VPS8: variants seen among roughly 807,000 people sequenced by gnomAD.
The protein encoded by VPS8 is VPS8 subunit of CORVET complex.
In VPS8, 129 loss-of-function variants were observed where a neutral mutation model predicts 216.4. That is an observed-to-expected ratio of 0.60 (90% CI 0.52 to 0.69). The LOEUF (loss-of-function observed/expected upper bound fraction) is 0.69, where lower values mean the gene tolerates loss of function less well. Among genes scored for constraint, VPS8 ranks in the 30% least tolerant of loss-of-function variants. The pLI is 0.00. For synonymous variants in VPS8, 571 were observed against 565.4 expected, an observed-to-expected ratio of 1.01 and a Z score of -0.14; for missense variants, 1,531 against 1,683.5, an observed-to-expected ratio of 0.91 and a Z score of 1.59.
chr3:184,926,708 G>A, intron 31 of VPS8, 58 bp downstream of exon 31: 1 of 1,517,678 alleles, frequency 6.6e-7, no homozygotes. Context: ...AAGCCAGAAA[G>A]AATTCTTCTG....
intron 25 of VPS8, chr3:184,901,249 C>T: frequency 5.7e-6 from 2 of 352,324 alleles, no homozygotes; most frequent in Non-Finnish European, 1.0e-5. Context: ...GAATTATGTG[C>T]TATGTAACCT....
intron 7 of VPS8, among the ~76,000 whole-genome samples, 179 bp from the exon 8 acceptor site, chr3:184,843,061 G>C (rs1310087550): frequency 1.3e-5 from 2 of 151,856 alleles, no homozygotes; most frequent in African/African-American, 4.8e-5. Context: ...ATAACCCATA[G>C]CTGAGCATAA....
chr3:184,953,588 G>A (rs1272261637), intron 36 of VPS8, among the ~76,000 whole-genome samples: 1 of 152,186 alleles, frequency 6.6e-6, no homozygotes, highest in Non-Finnish European at 1.5e-5. Context: ...CTGCATGACA[G>A]TGGTTGGCAT....
chr3:185,037,015 A>G (rs796889088), intron 46 of VPS8, among the ~76,000 whole-genome samples: 1 of 151,800 alleles, frequency 6.6e-6, no homozygotes, highest in African/African-American at 2.4e-5. Context: ...AAAAAAGCAA[A>G]TATGCATTTA....
At chr3:185,042,624 TA>T (rs978758015) in intron 46 of VPS8, among the ~76,000 whole-genome samples, 1 of 152,190 alleles carries the variant, frequency 6.6e-6, no homozygotes, top group Non-Finnish European at 1.5e-5. Flanking sequence ...AGTGATTTTT[TA>T]ATGTTTGGGA....
intron 45 of VPS8, among the ~76,000 whole-genome samples, chr3:185,005,895 C>A (rs1296548207): frequency 6.6e-6 from 1 of 152,014 alleles, no homozygotes; most frequent in East Asian, 1.9e-4. Context: ...TTATTTCTTT[C>A]TCTTGTCTGA....
intron 21 of VPS8, among the ~76,000 whole-genome samples, chr3:184,884,578 A>G (rs116648133): frequency 0.014 from 2,206 of 152,304 alleles, 48 homozygotes; most frequent in African/African-American, 0.045. Flanking sequence ...AGCCCAGGCT[A>G]AGACAGACAA....
chr3:184,872,215 G>A (rs1364045490), intron 21 of VPS8, among the ~76,000 whole-genome samples: 2 of 152,000 alleles, frequency 1.3e-5, no homozygotes, highest in East Asian at 3.9e-4. Flanking sequence ...CTGGCCTTTG[G>A]AAGGTATACT....
At chr3:184,859,769 C>T (rs974698077) in intron 14 of VPS8, among the ~76,000 whole-genome samples, 2 of 152,072 alleles carry the variant, frequency 1.3e-5, no homozygotes, top group Admixed American at 1.3e-4. Flanking sequence ...ACAACTAGAC[C>T]ACCCCCAGAT....
chr3:184,845,957 G>A (rs1577864810), intron 8 of VPS8, among the ~76,000 whole-genome samples: 1 of 151,962 alleles, frequency 6.6e-6, no homozygotes, highest in Non-Finnish European at 1.5e-5. Context: ...ACACTGAATT[G>A]GTTCCTTTGT....
rs370314879 is a variant in VPS8 at position 184,853,865 on chromosome 3, T to G, written c.830T>G (p.Met277Arg). Reference sequence around the variant, plus strand: ...TCAAATTGCATTTTCAGGAGAGTGATGGGAGTGAGAACCTGTGAATCTAGA... The same window carrying G: ...TCAAATTGCATTTTCAGGAGAGTGAGGGGAGTGAGAACCTGTGAATCTAGA... The part of the protein sequence containing the change: ...SVFELTFKRV[M>R]GVRTCESRCL... Residue 277 changes from methionine (M) to arginine (R), a missense_variant, in exon 12 of 48, where the codon ATG becomes AGG. By Grantham distance (91) the Met-to-Arg change is moderately conservative (BLOSUM62 -1). Around this residue, in one of 3 missense-constraint regions of VPS8, gnomAD observed 1,318 missense variants for 1,468.4 expected, o/e 0.90. Coordinates refer to ENST00000625842, the MANE Select transcript of VPS8 (RefSeq NM_001009921.3). 2 of 1,574,764 alleles carry G rather than the reference T, an allele frequency of 1.3e-6. No individual in the cohort carries two copies. The highest frequency in any genetic ancestry group is 1.3e-5 in the African/African-American group (1 of 74,222).
intron 45 of VPS8, among the ~76,000 whole-genome samples, chr3:185,023,332 T>A (rs903983968): frequency 2.6e-5 from 4 of 152,224 alleles, no homozygotes; most frequent in African/African-American, 9.6e-5. Context: ...TGTTGTGTCT[T>A]CCTAATGAAT....
chr3:184,982,087 C>T (rs757718199), intron 40 of VPS8, among the ~76,000 whole-genome samples: 1 of 150,908 alleles, frequency 6.6e-6, no homozygotes, highest in Admixed American at 6.6e-5. Flanking sequence ...TTTGGATAAC[C>T]TTTACTCATT....
chr3:184,871,563 AC>A (rs1349979879), intron 21 of VPS8, among the ~76,000 whole-genome samples: 1 of 151,856 alleles, frequency 6.6e-6, no homozygotes, highest in Non-Finnish European at 1.5e-5. Context: ...TTTTTAAGCA[AC>A]CCCTTAAAAT....
intron 29 of VPS8, among the ~76,000 whole-genome samples, chr3:184,923,800 C>T (rs1307116941): frequency 6.6e-6 from 1 of 152,202 alleles, no homozygotes; most frequent in Non-Finnish European, 1.5e-5. Context: ...GGTTTGCCTT[C>T]TCTGTTGACA....
At chr3:184,868,626 A>G (rs1477186897) in intron 18 of VPS8, among the ~76,000 whole-genome samples, 4 of 152,202 alleles carry the variant, frequency 2.6e-5, no homozygotes, top group African/African-American at 9.7e-5. Context: ...GCTGTCTCAA[A>G]TAAGCTTGGG....
At chr3:184,853,031 A>G (rs1724604654) in intron 11 of VPS8, among the ~76,000 whole-genome samples, 1 of 152,206 alleles carries the variant, frequency 6.6e-6, no homozygotes, top group Non-Finnish European at 1.5e-5. Flanking sequence ...TTCATTGAAT[A>G]TTATGTCTCC....
chr3:184,945,543 A>G (rs1245247863), intron 36 of VPS8, among the ~76,000 whole-genome samples: 4 of 152,138 alleles, frequency 2.6e-5, no homozygotes, highest in Non-Finnish European at 4.4e-5. Context: ...CACACCGCGC[A>G]GAAACAGTTA....
chr3:184,840,893 C>T (rs1722021849), intron 7 of VPS8, among the ~76,000 whole-genome samples: 1 of 152,048 alleles, frequency 6.6e-6, no homozygotes, highest in Non-Finnish European at 1.5e-5. Flanking sequence ...AATAGCAGAA[C>T]CACGATTTGA....
Sources: allele counts gnomAD v4.1 joint callset (sites outside exome capture counted in the v4.1 genomes callset), GRCh38; gene constraint gnomAD v4.1.1; regional missense constraint gnomAD v4.1.1; transcripts MANE v1.5; gene names NCBI Gene and HGNC (gene_info 2026-07-23, HGNC 2026-07-21).